Variants in PARD3B observed in about 807,000 individuals in gnomAD.
The protein encoded by PARD3B is partitioning defective 3 homolog B.
In PARD3B, 103 loss-of-function variants were observed where a neutral mutation model predicts 130.2. That is an observed-to-expected ratio of 0.79 (90% CI 0.67 to 0.93). The LOEUF (loss-of-function observed/expected upper bound fraction) is 0.93. Ranked by LOEUF, PARD3B falls within the 40% of genes least tolerant of loss-of-function variation. The probability of loss-of-function intolerance (pLI) is 0.00; values close to 1 mark genes in which losing one functional copy is unlikely to be tolerated. For missense variants in PARD3B, 1,609 were observed against 1,499.2 expected (o/e 1.07, Z -1.21); for synonymous variants, 583 against 553.2 (o/e 1.05, Z -0.76).
chr2:204,980,573 C>T (rs1430762638), intron 3 of PARD3B, among the ~76,000 whole-genome samples: 1 of 152,186 alleles, frequency 6.6e-6, no homozygotes, highest in East Asian at 1.9e-4. Flanking sequence ...AGATTATTAT[C>T]TCCAGGCATA....
At chr2:205,001,359 CT>C (rs1214908101) in intron 3 of PARD3B, among the ~76,000 whole-genome samples, 2 of 152,222 alleles carry the variant, frequency 1.3e-5, no homozygotes, top group Non-Finnish European at 2.9e-5. Context: ...CTAACTCTTT[CT>C]TTGGTTCTTT....
chr2:204,705,133 C>G (rs890087558), intron 2 of PARD3B, among the ~76,000 whole-genome samples: 3 of 152,206 alleles, frequency 2.0e-5, no homozygotes, highest in African/African-American at 7.2e-5. Context: ...TTCACTGACA[C>G]TCAGCATCTT....
chr2:205,086,147 G>A (rs1170697705), intron 4 of PARD3B, among the ~76,000 whole-genome samples: 1 of 152,188 alleles, frequency 6.6e-6, no homozygotes, highest in African/African-American at 2.4e-5. Flanking sequence ...GTGAAGGAGA[G>A]CTGGCTTAAT....
At chr2:204,580,511 G>A (rs2032499867) in intron 1 of PARD3B, among the ~76,000 whole-genome samples, 1 of 152,158 alleles carries the variant, frequency 6.6e-6, no homozygotes, top group Non-Finnish European at 1.5e-5. Context: ...CACTTGTTAT[G>A]GAGGTAGCTA....
At chr2:205,059,935 T>C (rs1348885063) in intron 4 of PARD3B, among the ~76,000 whole-genome samples, 1 of 152,108 alleles carries the variant, frequency 6.6e-6, no homozygotes, top group Admixed American at 6.6e-5. Flanking sequence ...TTCAAATATA[T>C]TATTTCATCC....
At position 205,592,648 on chromosome 2, in the gene PARD3B, T is replaced by C. The variant is rs1220735319; in HGVS notation, c.3261-22808T>C. Among the ~76,000 whole-genome samples, 2 of 152,240 alleles carry C rather than the reference T, an allele frequency of 1.3e-5. No individual in the cohort carries two copies. Among genetic ancestry groups the C allele is most frequent in the East Asian group, 3.8e-4 (2 of 5,198 alleles). On this transcript the variant is annotated intron_variant, in intron 22 of 22. Transcript: ENST00000406610. The surrounding 1 kb of genome is among the most constrained non-coding windows in gnomAD (Gnocchi z 4.5). ...GTTATATTTAAGGTTTTTCATGATC[T>C]TATATATCTTACCATATAAATCTAA...
At chr2:205,221,576 A>T (rs185898045) in intron 15 of PARD3B, among the ~76,000 whole-genome samples, 3 of 152,204 alleles carry the variant, frequency 2.0e-5, no homozygotes, top group East Asian at 3.9e-4. Context: ...TGTTGGCCTG[A>T]TCCTACACTA....
At chr2:205,104,369 C>G (rs1326060933) in intron 4 of PARD3B, 57 bp from the exon 5 acceptor site, 2 of 1,266,570 alleles carry the variant, frequency 1.6e-6, no homozygotes, top group Non-Finnish European at 2.3e-6. Context: ...ATATTTTATT[C>G]AGATTTTCAA....
intron 19 of PARD3B, among the ~76,000 whole-genome samples, chr2:205,439,113 G>A (rs2047621998): frequency 6.6e-6 from 1 of 152,100 alleles, no homozygotes; most frequent in South Asian, 2.1e-4. Flanking sequence ...TTGATGTTTT[G>A]CAAAATAAAA....
chr2:204,693,867 A>T (rs1157828298), intron 2 of PARD3B, among the ~76,000 whole-genome samples: 1 of 151,894 alleles, frequency 6.6e-6, no homozygotes, highest in African/African-American at 2.4e-5. Flanking sequence ...TGTATTTTGT[A>T]TTATTCAATA....
chr2:204,744,227 G>T (rs1022602075), intron 2 of PARD3B, among the ~76,000 whole-genome samples: 2 of 152,038 alleles, frequency 1.3e-5, no homozygotes, highest in African/African-American at 4.8e-5. Flanking sequence ...GTCCAACTTG[G>T]ACCATATATT....
intron 18 of PARD3B, among the ~76,000 whole-genome samples, chr2:205,335,038 C>A (rs2043260193): frequency 6.6e-6 from 1 of 152,156 alleles, no homozygotes; most frequent in Non-Finnish European, 1.5e-5. Flanking sequence ...GCAAGAGTAT[C>A]TGAAATTTGA....
intron 1 of PARD3B, among the ~76,000 whole-genome samples, chr2:204,642,395 A>G (rs984864087): frequency 1.3e-5 from 2 of 152,194 alleles, no homozygotes; most frequent in African/African-American, 2.4e-5. Flanking sequence ...TTTATTAGCT[A>G]TACCTAGGAA....
chr2:205,585,287 G>A lies in PARD3B; in HGVS notation c.3261-30169G>A, dbSNP rs2054156866. ...CTGTCTTGGGCTTTTAAGTGAATTG[G>A]GGCTAACAAAATCCACACTGTCAAC... On this transcript the variant is annotated intron_variant, in intron 22 of 22. Transcript: ENST00000406610. The surrounding 1 kb of genome is among the most constrained non-coding windows in gnomAD (Gnocchi z 5.4). 1.3e-5 allele frequency among the ~76,000 whole-genome samples: 2 copies of A among 152,120 alleles called. No individual in the cohort carries two copies. The highest frequency in any genetic ancestry group is 4.8e-5 in the African/African-American group (2 of 41,404).
intron 2 of PARD3B, among the ~76,000 whole-genome samples, chr2:204,814,650 G>C (rs1024044155): frequency 6.6e-6 from 1 of 151,676 alleles, no homozygotes; most frequent in Non-Finnish European, 1.5e-5. Context: ...CTGATGTTAG[G>C]GTGAAAACAT....
At chr2:204,975,354 A>C (rs1329870207) in intron 3 of PARD3B, among the ~76,000 whole-genome samples, 2 of 152,184 alleles carry the variant, frequency 1.3e-5, no homozygotes, top group Non-Finnish European at 2.9e-5. Context: ...AAGTCTCTCC[A>C]TGACTACCAA....
At chr2:204,702,722 T>C (rs893511468) in intron 2 of PARD3B, among the ~76,000 whole-genome samples, 2 of 151,964 alleles carry the variant, frequency 1.3e-5, no homozygotes, top group Non-Finnish European at 2.9e-5. Flanking sequence ...TTACAGGCAC[T>C]GGCCACCATA....
intron 2 of PARD3B, among the ~76,000 whole-genome samples, chr2:204,827,704 C>T (rs893665584): frequency 6.6e-6 from 1 of 152,156 alleles, no homozygotes; most frequent in Non-Finnish European, 1.5e-5. Context: ...ATTCCAAGCA[C>T]TTCAAAAAAT....
At chr2:204,558,940 G>T (rs2031117372) in intron 1 of PARD3B, among the ~76,000 whole-genome samples, 1 of 152,144 alleles carries the variant, frequency 6.6e-6, no homozygotes, top group African/African-American at 2.4e-5. Flanking sequence ...AAGAAATGGG[G>T]AAAGGATTCC....
Sources: allele counts gnomAD v4.1 joint callset (sites outside exome capture counted in the v4.1 genomes callset), GRCh38; gene constraint gnomAD v4.1.1; non-coding constraint Gnocchi (gnomAD v3.1); transcripts MANE v1.5; gene names NCBI Gene and HGNC (gene_info 2026-07-23, HGNC 2026-07-21).